TMEM41B: variants seen among roughly 807,000 people sequenced by gnomAD.
The protein encoded by TMEM41B is protein stasimon.
A neutral mutation model predicts 31.9 loss-of-function variants in TMEM41B; 18 were observed. The ratio of observed to expected loss-of-function variants is 0.56; its 90% CI spans 0.39 to 0.84. The LOEUF is 0.84. Among genes scored for constraint, TMEM41B ranks in the 40% least tolerant of loss-of-function variants. The probability of loss-of-function intolerance (pLI) is 0.00; values close to 1 mark genes in which losing one functional copy is unlikely to be tolerated. For synonymous variants in TMEM41B, 144 were observed against 124.3 expected, an observed-to-expected ratio of 1.16 and a Z score of -1.05; for missense variants, 322 against 348.0, an observed-to-expected ratio of 0.93 and a Z score of 0.59.
intron 1 of TMEM41B, among the ~76,000 whole-genome samples, chr11:9,306,258 C>T (rs971876507): frequency 2.4e-4 from 36 of 151,714 alleles, no homozygotes; most frequent in African/African-American, 8.5e-4. Context: ...GGATTACAGG[C>T]GGGAGCCACC....
intron 1 of TMEM41B, among the ~76,000 whole-genome samples, chr11:9,305,709 T>C (rs780716124): frequency 6.6e-6 from 1 of 152,150 alleles, no homozygotes; most frequent in Non-Finnish European, 1.5e-5. Context: ...TCCAATTAAC[T>C]TGCCCCAGCC....
chr11:9,308,297 C>G (rs771263138), intron 1 of TMEM41B, among the ~76,000 whole-genome samples: 13 of 152,128 alleles, frequency 8.5e-5, no homozygotes, highest in Non-Finnish European at 1.6e-4. Flanking sequence ...GAGCTGAGAT[C>G]ACGCCACTGC....
intron 2 of TMEM41B, 55 bp downstream of exon 2, chr11:9,299,529 C>T: frequency 1.6e-6 from 2 of 1,257,020 alleles, no homozygotes; most frequent in South Asian, 1.3e-5. Flanking sequence ...GGCCTTAATC[C>T]ACTTTCATCT....
intron 3 of TMEM41B, among the ~76,000 whole-genome samples, chr11:9,293,924 G>GTCA (rs1220092388): frequency 1.3e-5 from 2 of 152,056 alleles, no homozygotes; most frequent in Non-Finnish European, 2.9e-5. Context: ...TCCCAGTGTT[G>GTCA]TCAGGCGTGG....
chr11:9,307,159 G>A (rs2133646609), intron 1 of TMEM41B, among the ~76,000 whole-genome samples: 1 of 152,052 alleles, frequency 6.6e-6, no homozygotes, highest in South Asian at 2.1e-4. Context: ...ATATTCCAAT[G>A]TCTACGAGAT....
chr11:9,292,466 C>T lies in TMEM41B; in HGVS notation c.368+2793G>A, dbSNP rs145137938. The stretch of plus-strand genomic sequence containing the variant: ...ATGCATTAGTATTAATAATCTAAAA[C>T]GTTTCCACATATTTAAATATTTTAC... On this transcript the variant is annotated intron_variant, in intron 3 of 6. Transcript: ENST00000528080. Among the ~76,000 whole-genome samples, 585 of 152,120 alleles carry T rather than the reference C, an allele frequency of 3.8e-3. 2 individuals carry two copies. The highest frequency in any genetic ancestry group is 0.013 in the African/African-American group (544 of 41,516).
At chr11:9,289,449 AT>A (rs1429889039) in intron 3 of TMEM41B, among the ~76,000 whole-genome samples, 1 of 151,622 alleles carries the variant, frequency 6.6e-6, no homozygotes, top group African/African-American at 2.4e-5. Flanking sequence ...CTCATTAACT[AT>A]TCCTTTTTCT....
At position 9,281,138 on chromosome 11, in the gene TMEM41B, C is replaced by G. The variant is rs1197891188; in HGVS notation, c.*2286G>C. On this transcript the variant is annotated 3_prime_UTR_variant, in exon 7 of 7. Coordinates refer to ENST00000528080, the MANE Select transcript of TMEM41B (RefSeq NM_015012.4). ...ATAGAGTAAGTACAATTTACACACG[C>G]TGGAGTAAATAGTGAAGCTTCTACT... is the stretch of plus-strand genomic sequence containing the variant. 6.6e-5 allele frequency: 10 copies of G among 152,258 alleles called. No individual in the cohort carries two copies. The East Asian group carries it at 1.9e-3, about 29-fold the overall frequency. The allele number at this position is 152,258 out of a possible 1,614,324, so 9.4% of individuals were successfully genotyped here. A position where few individuals can be genotyped will look rare whatever the true frequency, so the allele number is the denominator to read the frequency against.
At chr11:9,283,750 G>T (rs377156568) in intron 6 of TMEM41B, among the ~76,000 whole-genome samples, 157 bp from the exon 7 acceptor site, 1 of 151,396 alleles carries the variant, frequency 6.6e-6, no homozygotes, top group African/African-American at 2.4e-5. Context: ...TCCATATAAA[G>T]AATTCAATCT....
At chr11:9,304,882 T>C (rs1315136933) in intron 1 of TMEM41B, among the ~76,000 whole-genome samples, 1 of 152,154 alleles carries the variant, frequency 6.6e-6, no homozygotes, top group Non-Finnish European at 1.5e-5. Flanking sequence ...GGTCTTGATC[T>C]CTTAACCTCG....
chr11:9,307,007 T>C (rs1189164968), intron 1 of TMEM41B, among the ~76,000 whole-genome samples: 1 of 152,208 alleles, frequency 6.6e-6, no homozygotes, highest in Non-Finnish European at 1.5e-5. Context: ...TCTTTCTCCA[T>C]ATACTCAACA....
At chr11:9,297,489 C>G (rs949808653) in intron 2 of TMEM41B, among the ~76,000 whole-genome samples, 2 of 152,036 alleles carry the variant, frequency 1.3e-5, no homozygotes, top group Admixed American at 1.3e-4. Flanking sequence ...GTCAGGAGTT[C>G]AAGATCAGCC....
chr11:9,292,359 T>G (rs1226467492), intron 3 of TMEM41B, among the ~76,000 whole-genome samples: 1 of 152,194 alleles, frequency 6.6e-6, no homozygotes, highest in African/African-American at 2.4e-5. Context: ...TGAAAAATCT[T>G]GGTTCTTGAT....
intron 6 of TMEM41B, among the ~76,000 whole-genome samples, chr11:9,284,776 A>AAAG (rs77346925): frequency 2.0e-5 from 3 of 151,352 alleles, no homozygotes; most frequent in East Asian, 2.0e-4. Context: ...AAGAGAAAAA[A>AAAG]AAAGAAAGAA....
chr11:9,307,195 C>G (rs929439348), intron 1 of TMEM41B, among the ~76,000 whole-genome samples: 1 of 152,088 alleles, frequency 6.6e-6, no homozygotes, highest in African/African-American at 2.4e-5. Context: ...CACTGGTCAT[C>G]TAGTCCATTA....
In TMEM41B at chr11:9,311,388, G is replaced by A. The variant is rs1012262221; in HGVS notation, c.121+2933C>T. ...TATCTTCTTGCCCACTATCACTGCT[G>A]GTCCAACCATGCCAGGAGCCAAGGG... On this transcript the variant is annotated intron_variant, in intron 1 of 6. Transcript: ENST00000528080. The A allele has an allele frequency of 6.9e-6, 10 of 1,452,806 alleles. No homozygotes were observed. In the Admixed American group the frequency reaches 1.4e-4, roughly 20 times the overall value. The allele number at this position is 1,452,806 out of a possible 1,614,324, so 90.0% of individuals were successfully genotyped here. A position where few individuals can be genotyped will look rare whatever the true frequency, so the allele number is the denominator to read the frequency against.
rs1017872949 is a variant in TMEM41B, at chr11:9,286,562, T to C, written c.599A>G (p.Tyr200Cys). The change falls in exon 6 of 7, where the codon TAC becomes TGC. Residue 200 changes from tyrosine to cysteine, a missense_variant. Transcript: ENST00000528080. ...TGGTGTTATTCTCAAAAATATAATGTAGTTAATGAGATGTTCTCTATGACG... is the reference window on the plus strand; with the variant it reads ...TGGTGTTATTCTCAAAAATATAATGCAGTTAATGAGATGTTCTCTATGACG... Reference protein sequence around the residue: ...VERHREHLINYIIFLRITPFL... With the variant: ...VERHREHLINCIIFLRITPFL... The C allele has an allele frequency of 3.7e-6, 6 of 1,612,562 alleles. No homozygotes were observed. The African/African-American group carries it at 5.3e-5, about 14-fold the overall frequency.
intron 2 of TMEM41B, among the ~76,000 whole-genome samples, chr11:9,299,282 C>A (rs1391070025): frequency 8.2e-3 from 342 of 41,664 alleles, no homozygotes; most frequent in Middle Eastern, 0.071. Context: ...GACTCTGTCT[C>A]AAAAAAAAAA....
rs565094295 is a variant in TMEM41B at position 9,304,667 on chromosome 11, T to A, written c.122-4966A>T. Among the ~76,000 whole-genome samples the A allele has an allele frequency of 8.6e-5, 13 of 151,472 alleles. No homozygotes were observed. In the South Asian group the frequency reaches 1.5e-3, roughly 17 times the overall value. ...TGTCTGCTTAATTAATTAATTAATT[T>A]TTTTTTTTTGAGATGGAGTCTCACT... is the stretch of plus-strand genomic sequence containing the variant. On this transcript the variant is annotated intron_variant, in intron 1 of 6. Transcript: ENST00000528080.
Sources: allele counts gnomAD v4.1 joint callset (sites outside exome capture counted in the v4.1 genomes callset), GRCh38; gene constraint gnomAD v4.1.1; transcripts MANE v1.5; gene names NCBI Gene and HGNC (gene_info 2026-07-23, HGNC 2026-07-21).